The following PTPRD variants were observed in gnomAD, a reference collection of about 807,000 sequenced individuals.
PTPRD encodes protein tyrosine phosphatase receptor type D, also known as receptor-type tyrosine-protein phosphatase delta.
In PTPRD, 34 loss-of-function variants were observed where a neutral mutation model predicts 214.5. The ratio of observed to expected loss-of-function variants is 0.16; its 90% confidence interval spans 0.12 to 0.21. The LOEUF is 0.21. Ranked by LOEUF, PTPRD falls within the 10% of genes least tolerant of loss-of-function variation. The pLI, the probability that PTPRD is intolerant of heterozygous loss-of-function variation, is 1.00. For missense variants in PTPRD, 2,545 were observed against 2,398.7 expected, an observed-to-expected ratio of 1.06 and a Z score of -1.27; for synonymous variants, 1,128 against 845.7, an observed-to-expected ratio of 1.33 and a Z score of -5.79.
intron 11 of PTPRD, among the ~76,000 whole-genome samples, chr9:8,764,454 A>G (rs756065625): frequency 6.6e-6 from 1 of 152,134 alleles, no homozygotes; most frequent in Non-Finnish European, 1.5e-5. Context: ...GATTTTAGGG[A>G]TCATGGATCT....
chr9:9,325,855 G>C (rs1969808676), intron 9 of PTPRD, among the ~76,000 whole-genome samples: 1 of 152,136 alleles, frequency 6.6e-6, no homozygotes, highest in African/African-American at 2.4e-5. Flanking sequence ...TTATTATTTT[G>C]AGATATGTTC....
chr9:9,084,557 T>TA (rs1477824659), intron 10 of PTPRD, among the ~76,000 whole-genome samples: 20 of 152,100 alleles, frequency 1.3e-4, no homozygotes, highest in African/African-American at 3.4e-4. Context: ...ATAATAATAG[T>TA]AAAAAAGTTC....
At chr9:9,277,680 A>G (rs1242589782) in intron 9 of PTPRD, among the ~76,000 whole-genome samples, 2 of 151,478 alleles carry the variant, frequency 1.3e-5, no homozygotes, top group African/African-American at 4.8e-5. Flanking sequence ...CCCATCTGGA[A>G]AAGCCCCTGG....
intron 8 of PTPRD, among the ~76,000 whole-genome samples, chr9:9,429,991 C>A (rs1264410206): frequency 6.6e-6 from 1 of 152,092 alleles, no homozygotes; most frequent in African/African-American, 2.4e-5. Context: ...AAAACTGGCA[C>A]AAGACAGGGA....
chr9:8,414,421 C>T (rs2093746521), intron 35 of PTPRD, among the ~76,000 whole-genome samples: 1 of 152,114 alleles, frequency 6.6e-6, no homozygotes, highest in Admixed American at 6.6e-5. Flanking sequence ...ACTGTATTAC[C>T]CAATTTTCTG....
intron 11 of PTPRD, among the ~76,000 whole-genome samples, chr9:8,867,701 A>G (rs1428652548): frequency 6.6e-6 from 1 of 152,192 alleles, no homozygotes; most frequent in Non-Finnish European, 1.5e-5. Context: ...CTGTGATTCA[A>G]TCTTACCTGT....
At chr9:9,113,700 G>T (rs1327405332) in intron 10 of PTPRD, among the ~76,000 whole-genome samples, 1 of 152,104 alleles carries the variant, frequency 6.6e-6, no homozygotes, top group Non-Finnish European at 1.5e-5. Flanking sequence ...GTAACATGTA[G>T]GATGATGCTA....
At chr9:9,884,019 A>G (rs992162790) in intron 5 of PTPRD, among the ~76,000 whole-genome samples, 3 of 152,004 alleles carry the variant, frequency 2.0e-5, no homozygotes, top group Admixed American at 6.6e-5. Context: ...CTTAGTACAT[A>G]TTTATTTGGA....
chr9:10,515,596 T>C (rs982344975), intron 2 of PTPRD, among the ~76,000 whole-genome samples: 2 of 151,970 alleles, frequency 1.3e-5, no homozygotes, highest in African/African-American at 4.8e-5. Flanking sequence ...GTAGTAAGAA[T>C]ACTTAATATA....
chr9:8,544,378 G>A (rs999411877), intron 14 of PTPRD, among the ~76,000 whole-genome samples: 14 of 150,854 alleles, frequency 9.3e-5, no homozygotes, highest in South Asian at 2.1e-4. Context: ...CAACGCACCC[G>A]GTCGCCATTA....
intron 10 of PTPRD, among the ~76,000 whole-genome samples, chr9:9,146,363 A>T (rs1474145539): frequency 1.3e-5 from 2 of 152,152 alleles, no homozygotes. Context: ...CAAAATTTAC[A>T]TAGGGTATCA....
intron 19 of PTPRD, among the ~76,000 whole-genome samples, chr9:8,522,428 G>T (rs1281757990): frequency 6.6e-6 from 1 of 152,150 alleles, no homozygotes; most frequent in African/African-American, 2.4e-5. Context: ...GGTAAGGATT[G>T]CAAATTCAGA....
chr9:10,192,367 C>A (rs2099367629), intron 3 of PTPRD, among the ~76,000 whole-genome samples: 1 of 135,718 alleles, frequency 7.4e-6, no homozygotes, highest in Non-Finnish European at 1.5e-5. Context: ...GAAATTTATT[C>A]TTTCACAGTT....
At chr9:9,394,989 T>C (rs1203480430) in intron 9 of PTPRD, among the ~76,000 whole-genome samples, 1 of 152,088 alleles carries the variant, frequency 6.6e-6, no homozygotes, top group Non-Finnish European at 1.5e-5. Context: ...ATGATTTAAT[T>C]AGAGAAGCTA....
intron 3 of PTPRD, among the ~76,000 whole-genome samples, chr9:10,157,856 A>G (rs1373769006): frequency 6.6e-6 from 1 of 151,684 alleles, no homozygotes; most frequent in African/African-American, 2.4e-5. Flanking sequence ...TTTTTTCTCT[A>G]TTCTTCTTTG....
chr9:8,341,567 C>T, intron 40 of PTPRD, 126 bp downstream of exon 40: 1 of 1,121,880 alleles, frequency 8.9e-7, no homozygotes, highest in South Asian at 1.5e-5. Flanking sequence ...TATAATCATA[C>T]ACCTGAGGGA....
chr9:8,326,030 C>T (rs1316048626), intron 44 of PTPRD, among the ~76,000 whole-genome samples: 5 of 152,164 alleles, frequency 3.3e-5, no homozygotes, highest in Non-Finnish European at 4.4e-5. Flanking sequence ...GACAATTTGA[C>T]TTCCACTTTT....
At chr9:8,891,137 A>ATCTTTTTTTTTT (rs1555485884) in intron 11 of PTPRD, among the ~76,000 whole-genome samples, 1 of 123,626 alleles carries the variant, frequency 8.1e-6, no homozygotes, top group Non-Finnish European at 1.7e-5. Flanking sequence ...AATTAATCTA[A>ATCTTTTTTTTTT]TTTTTTTTTT....
intron 14 of PTPRD, among the ~76,000 whole-genome samples, chr9:8,590,497 T>C (rs1179627369): frequency 6.6e-6 from 1 of 152,166 alleles, no homozygotes; most frequent in African/African-American, 2.4e-5. Context: ...GATAGGATTA[T>C]CAAGTTTCCT....
Sources: allele counts gnomAD v4.1 joint callset (sites outside exome capture counted in the v4.1 genomes callset), GRCh38; gene constraint gnomAD v4.1.1; transcripts MANE v1.5; gene names NCBI Gene and HGNC (gene_info 2026-07-23, HGNC 2026-07-21).